The following FLI1 variants were observed in gnomAD, a reference collection of about 807,000 sequenced individuals.
FLI1 encodes Fli-1 proto-oncogene, ETS transcription factor.
In FLI1, 13 loss-of-function variants were observed where a neutral mutation model predicts 53.1. That is an observed-to-expected ratio of 0.24 (90% CI 0.16 to 0.39). The LOEUF (loss-of-function observed/expected upper bound fraction) is 0.39. Among genes scored for constraint, FLI1 ranks in the 10% least tolerant of loss-of-function variants. FLI1 has a pLI of 1.00. For synonymous variants in FLI1, 244 were observed against 236.7 expected, an observed-to-expected ratio of 1.03 and a Z score of -0.28; for missense variants, 424 against 600.5, an observed-to-expected ratio of 0.71 and a Z score of 3.07.
intron 2 of FLI1, among the ~76,000 whole-genome samples, chr11:128,758,782 T>G (rs1298572286): frequency 6.6e-6 from 1 of 152,158 alleles, no homozygotes; most frequent in Non-Finnish European, 1.5e-5. Flanking sequence ...GGTGTCTACC[T>G]TCCTGTGGGG....
intron 1 of FLI1, among the ~76,000 whole-genome samples, chr11:128,712,816 T>C (rs1359989706): frequency 6.6e-6 from 1 of 152,184 alleles, no homozygotes; most frequent in East Asian, 1.9e-4. Context: ...TTTCCAAAGA[T>C]CTATATCCTT....
intron 5 of FLI1, among the ~76,000 whole-genome samples, chr11:128,798,963 G>T (rs1942532320): frequency 1.3e-5 from 2 of 152,078 alleles, no homozygotes; most frequent in East Asian, 3.9e-4. Flanking sequence ...TCTCAAACCA[G>T]GGTCCAGGAT....
chr11:128,739,232 C>T (rs959947008), intron 1 of FLI1, among the ~76,000 whole-genome samples: 3 of 152,102 alleles, frequency 2.0e-5, no homozygotes, highest in African/African-American at 7.2e-5. Flanking sequence ...TTCTTAGGAA[C>T]GTGGTTCTCT....
intron 1 of FLI1, among the ~76,000 whole-genome samples, chr11:128,719,367 G>A (rs1939159226): frequency 2.2e-5 from 1 of 45,996 alleles, no homozygotes; most frequent in South Asian, 1.0e-3. Context: ...GTGTGTGTGT[G>A]TGTGTGTGTG....
chr11:128,739,312 G>A (rs1940033202), intron 1 of FLI1, among the ~76,000 whole-genome samples: 1 of 152,160 alleles, frequency 6.6e-6, no homozygotes, highest in Admixed American at 6.5e-5. Flanking sequence ...GTGGGGTAGA[G>A]GGAGCAGGAG....
At chr11:128,752,501 C>T (rs1227765224) in intron 1 of FLI1, among the ~76,000 whole-genome samples, 1 of 152,172 alleles carries the variant, frequency 6.6e-6, no homozygotes, top group African/African-American at 2.4e-5. Context: ...AAGATTTATG[C>T]TCTAAGTTAC....
At chr11:128,690,327 G>C (rs1398029413), upstream of FLI1, among the ~76,000 whole-genome samples, 2 of 152,192 alleles carry the variant, frequency 1.3e-5, no homozygotes, top group East Asian at 3.9e-4. Flanking sequence ...GACGAAGGAC[G>C]GAGGGAGAGG....
intron 5 of FLI1, among the ~76,000 whole-genome samples, chr11:128,783,838 T>G (rs1383998833): frequency 1.3e-5 from 2 of 152,138 alleles, no homozygotes; most frequent in Non-Finnish European, 2.9e-5. Context: ...TGATATGTTC[T>G]ACATACTGAG....
intron 5 of FLI1, among the ~76,000 whole-genome samples, chr11:128,791,166 C>G (rs1942258171): frequency 6.6e-6 from 1 of 152,152 alleles, no homozygotes; most frequent in Admixed American, 6.5e-5. Context: ...GTCTGGATCC[C>G]CCTGGAGCGT....
chr11:128,775,389 G>A (rs1941700296), intron 4 of FLI1, among the ~76,000 whole-genome samples: 1 of 151,908 alleles, frequency 6.6e-6, no homozygotes, highest in Admixed American at 6.6e-5. Context: ...CCCCAACATG[G>A]TATTGAAATA....
intron 1 of FLI1, among the ~76,000 whole-genome samples, chr11:128,747,281 T>A (rs1028708527): frequency 6.6e-6 from 1 of 152,214 alleles, no homozygotes; most frequent in Non-Finnish European, 1.5e-5. Flanking sequence ...TCCACCTGTG[T>A]GGCTGTGCTG....
intron 2 of FLI1, among the ~76,000 whole-genome samples, chr11:128,759,341 TG>T (rs1295071848): frequency 2.0e-5 from 3 of 152,208 alleles, no homozygotes; most frequent in Non-Finnish European, 2.9e-5. Context: ...ACCCAGAGGC[TG>T]ACTTTGAGCA....
chr11:128,729,127 G>A lies in FLI1; in HGVS notation c.19-28988G>A, dbSNP rs114852509. Reference sequence around the variant, plus strand: ...TGCTAGGCACCTCTGCTTTGTAATCGGATGTGTACGAGGGCAACACAAAGG... The same window carrying A: ...TGCTAGGCACCTCTGCTTTGTAATCAGATGTGTACGAGGGCAACACAAAGG... On this transcript the variant is annotated intron_variant, in intron 1 of 8. Transcript: ENST00000527786. Among the ~76,000 whole-genome samples, 671 of 152,290 alleles carry A rather than the reference G, an allele frequency of 4.4e-3. 8 individuals are homozygous for A. Among genetic ancestry groups the A allele is most frequent in the African/African-American group, 0.016 (647 of 41,542 alleles).
At chr11:128,784,187 T>A (rs1942010703) in intron 5 of FLI1, among the ~76,000 whole-genome samples, 1 of 151,558 alleles carries the variant, frequency 6.6e-6, no homozygotes, top group Middle Eastern at 3.2e-3. Flanking sequence ...GTTTAGAAAC[T>A]GGTTTAGCCA....
At chr11:128,807,963 A>G (rs1942829625) in intron 7 of FLI1, among the ~76,000 whole-genome samples, 1 of 152,188 alleles carries the variant, frequency 6.6e-6, no homozygotes, top group African/African-American at 2.4e-5. Context: ...TATGTGATGC[A>G]GCTGAGATGA....
intron 1 of FLI1, among the ~76,000 whole-genome samples, chr11:128,713,363 A>T (rs1591744953): frequency 6.6e-6 from 1 of 152,178 alleles, no homozygotes; most frequent in South Asian, 2.1e-4. Context: ...ACATTCCACC[A>T]TTGTTTTTTG....
chr11:128,715,603 G>T (rs1938976070), intron 1 of FLI1, among the ~76,000 whole-genome samples: 1 of 152,142 alleles, frequency 6.6e-6, no homozygotes, highest in South Asian at 2.1e-4. Context: ...CATTTAGTTG[G>T]ATGATCTAGA....
At chr11:128,732,346 A>G (rs978481475) in intron 1 of FLI1, among the ~76,000 whole-genome samples, 1 of 152,254 alleles carries the variant, frequency 6.6e-6, no homozygotes, top group Non-Finnish European at 1.5e-5. Flanking sequence ...ACGTGAGTCT[A>G]TGTCATTTTG....
At chr11:128,705,710 A>G (rs548011338) in intron 1 of FLI1, among the ~76,000 whole-genome samples, 30 of 152,272 alleles carry the variant, frequency 2.0e-4, no homozygotes, top group African/African-American at 7.2e-4. Context: ...GCCTCACACC[A>G]GTTCCTTTTA....
Sources: gnomAD v4.1 joint callset for allele counts (sites outside exome capture counted in the v4.1 genomes callset) on GRCh38, gnomAD v4.1.1 for gene constraint, MANE v1.5 for transcripts, NCBI Gene and HGNC (gene_info 2026-07-23, HGNC 2026-07-21) for gene names.